Variants in TTC3 observed in about 807,000 individuals in gnomAD.
TTC3 encodes E3 ubiquitin-protein ligase TTC3.
Under a neutral mutation model 249.6 loss-of-function variants are expected in TTC3, and 180 were observed. The ratio of observed to expected loss-of-function variants is 0.72; its 90% CI spans 0.64 to 0.82. The LOEUF (loss-of-function observed/expected upper bound fraction) is 0.82, where lower values mean the gene tolerates loss of function less well. TTC3 is among the 40% of genes least tolerant of loss of function. The pLI, the probability that TTC3 is intolerant of heterozygous loss-of-function variation, is 0.00. For synonymous variants in TTC3, 717 were observed against 805.0 expected (o/e 0.89, Z 1.85); for missense variants, 2,061 against 2,398.4 (o/e 0.86, Z 2.94).
In TTC3 at chr21:37,150,140, C is replaced by A. The variant is rs534962849; in HGVS notation, c.2181C>A (p.Ile727=). The stretch of plus-strand genomic sequence containing the variant: ...AAGGTGTCATTTCTAAGATTATCAT[C>A]TTCAGCAGTGGTGGTGAAGTTAAAT... Residue 727 remains isoleucine (I), a synonymous_variant, in exon 24 of 46, where the codon ATC becomes ATA. Coordinates refer to ENST00000355666, the Ensembl canonical transcript of TTC3. 6.8e-6 allele frequency: 11 copies of A among 1,612,558 alleles called. No homozygotes were observed. In the East Asian group the frequency reaches 2.5e-4, roughly 36 times the overall value.
At chr21:37,108,632 G>A (rs113066578) in intron 11 of TTC3, among the ~76,000 whole-genome samples, 186 bp downstream of exon 11, 1,670 of 152,270 alleles carry the variant, frequency 0.011, 18 homozygotes, top group East Asian at 0.03. Context: ...CAGGCTGTGC[G>A]TGAGGACAGG....
intron 1 of TTC3, chr21:37,086,907 C>T: frequency 5.0e-6 from 1 of 201,328 alleles, no homozygotes. Context: ...TCAGCAAACA[C>T]TTATTTGAGA....
At chr21:37,184,315 AT>A (rs925314185) in intron 36 of TTC3, among the ~76,000 whole-genome samples, 1 of 152,032 alleles carries the variant, frequency 6.6e-6, no homozygotes, top group African/African-American at 2.4e-5. Flanking sequence ...ATGATAAGAA[AT>A]TTTTTTTCTG....
chr21:37,107,275 G>A (rs1216043185), intron 10 of TTC3, among the ~76,000 whole-genome samples: 2 of 152,154 alleles, frequency 1.3e-5, no homozygotes, highest in Non-Finnish European at 2.9e-5. Context: ...ACCCTGAGGA[G>A]ATAGGAACAA....
intron 39 of TTC3, among the ~76,000 whole-genome samples, chr21:37,189,581 T>C (rs987153274): frequency 6.6e-6 from 1 of 151,898 alleles, no homozygotes; most frequent in Admixed American, 6.6e-5. Context: ...GGAGTCTCGC[T>C]CTGTCGCCCA....
At chr21:37,085,128 T>C (rs142568623) in intron 1 of TTC3, among the ~76,000 whole-genome samples, 1 of 152,354 alleles carries the variant, frequency 6.6e-6, no homozygotes, top group Non-Finnish European at 1.5e-5. Context: ...GTCTGCCAGG[T>C]ATGAGCACAT....
chr21:37,103,879 A>AGGAGG (rs2074780936), intron 10 of TTC3, among the ~76,000 whole-genome samples: 1 of 152,206 alleles, frequency 6.6e-6, no homozygotes, highest in South Asian at 2.1e-4. Flanking sequence ...GGCTGTGTTA[A>AGGAGG]GGCTTTTGGC....
chr21:37,171,509 C>A (rs2081786718), intron 34 of TTC3, among the ~76,000 whole-genome samples: 1 of 152,116 alleles, frequency 6.6e-6, no homozygotes, highest in South Asian at 2.1e-4. Flanking sequence ...AGCTTCCTGC[C>A]TGTCTCTGTT....
At chr21:37,150,457 T>C (rs1394565596) in intron 24 of TTC3, among the ~76,000 whole-genome samples, 3 of 152,172 alleles carry the variant, frequency 2.0e-5, no homozygotes, top group Non-Finnish European at 4.4e-5. Context: ...CGGTAAACTT[T>C]TGGGCAGTAG....
intron 1 of TTC3, chr21:37,086,650 G>C (rs1250446613): frequency 1.3e-5 from 2 of 152,834 alleles, no homozygotes; most frequent in Non-Finnish European, 2.9e-5. Context: ...GCCTTGGGGA[G>C]TTAGGAGATT....
intron 7 of TTC3, among the ~76,000 whole-genome samples, chr21:37,093,144 G>A (rs1016156336): frequency 9.9e-5 from 15 of 152,034 alleles, no homozygotes; most frequent in Admixed American, 6.5e-5. Flanking sequence ...TTGGGAGGCC[G>A]AGGCGGGTGG....
chr21:37,094,210 G>A, intron 8 of TTC3, 120 bp downstream of exon 8: 3 of 473,400 alleles, frequency 6.3e-6, no homozygotes, highest in South Asian at 5.5e-5. Flanking sequence ...ACATATTTGA[G>A]GGAAAGAACT....
At chr21:37,083,229 G>A (rs2071947563) in intron 1 of TTC3, 1 of 985,350 alleles carries the variant, frequency 1.0e-6, no homozygotes, top group African/African-American at 1.7e-5. Context: ...AGGACAAGCA[G>A]TTGGGTATGA....
chr21:37,155,453 A>G lies in TTC3; in HGVS notation c.2741-1202A>G, dbSNP rs148698956. ...CTATTTTTTCATTGGGCTCTCATAA[A>G]TCTTTTATTGTGTGAGTATTCTACA... On this transcript the variant is annotated intron_variant, in intron 27 of 45. Coordinates refer to ENST00000355666, the Ensembl canonical transcript of TTC3. Among the ~76,000 whole-genome samples, 741 of 152,282 alleles carry G rather than the reference A, an allele frequency of 4.9e-3. 4 individuals are homozygous for G. The highest frequency in any genetic ancestry group is 0.017 in the African/African-American group (697 of 41,560).
At chr21:37,087,530 G>C (rs1010859893) in intron 2 of TTC3, 129 bp downstream of exon 2, 5 of 1,183,622 alleles carry the variant, frequency 4.2e-6, no homozygotes, top group African/African-American at 3.1e-5. Flanking sequence ...CTGTTGAAAA[G>C]TTGATTTGAG....
exon 6 of TTC3, chr21:37,090,273 G>A (rs1410322146): frequency 3.7e-6 from 6 of 1,605,862 alleles, no homozygotes; most frequent in Middle Eastern, 1.6e-4. Context: ...AGAATTGGTT[G>A]TAAAATAGAA....
intron 36 of TTC3, 129 bp from the exon 37 acceptor site, chr21:37,185,577 C>A (rs2083167394): frequency 4.2e-6 from 2 of 474,548 alleles, no homozygotes; most frequent in Non-Finnish European, 7.2e-6. Context: ...AAAAATGAAA[C>A]AAAATGTAAA....
At chr21:37,150,882 T>A in exon 25 of TTC3, 1 of 1,600,748 alleles carries the variant, frequency 6.2e-7, no homozygotes, top group Admixed American at 1.7e-5. Flanking sequence ...AGAAATGTTC[T>A]AGGTAAGATT....
chr21:37,092,329 T>C (rs1279951798), intron 7 of TTC3, among the ~76,000 whole-genome samples: 1 of 152,208 alleles, frequency 6.6e-6, no homozygotes, highest in Non-Finnish European at 1.5e-5. Flanking sequence ...ATCTTTCTCA[T>C]AGGTTTATTA....
Sources: gnomAD v4.1 joint callset for allele counts (sites outside exome capture counted in the v4.1 genomes callset) on GRCh38, gnomAD v4.1.1 for gene constraint, MANE v1.5 for transcripts, NCBI Gene and HGNC (gene_info 2026-07-23, HGNC 2026-07-21) for gene names.